The following TRPM3 variants were observed in gnomAD, a reference collection of about 807,000 sequenced individuals.
The protein encoded by TRPM3 is long transient receptor potential channel 3.
A neutral mutation model predicts 181.2 loss-of-function variants in TRPM3; 77 were observed. The ratio of observed to expected loss-of-function variants is 0.42; its 90% CI spans 0.35 to 0.51. The LOEUF is 0.51. TRPM3 is among the 20% of genes least tolerant of loss of function. The probability of loss-of-function intolerance (pLI) is 0.01; values close to 1 mark genes in which losing one functional copy is unlikely to be tolerated. For synonymous variants in TRPM3, 745 were observed against 796.4 expected (o/e 0.94, Z 1.09); for missense variants, 1,759 against 2,196.7 (o/e 0.80, Z 3.98).
rs559490921 is a variant in TRPM3, at chr9:71,330,259, G to T, written c.183+116394C>A. ...AACTAGATTGCAGATTTTTGTTAAG[G>T]TTACATAGTTTAATTACTTTCAGAA... On this transcript the variant is annotated intron_variant, in intron 1 of 24. Transcript: ENST00000357533. Among the ~76,000 whole-genome samples, 11 of 151,794 alleles carry T rather than the reference G, an allele frequency of 7.2e-5. 1 individual carries two copies. Among genetic ancestry groups the T allele is most frequent in the African/African-American group, 2.2e-4 (9 of 41,308 alleles).
intron 1 of TRPM3, among the ~76,000 whole-genome samples, chr9:70,870,847 T>A (rs902352317): frequency 2.0e-5 from 3 of 152,026 alleles, no homozygotes; most frequent in African/African-American, 7.2e-5. Flanking sequence ...ATGTAGCTAA[T>A]TTTTATTCTA....
At chr9:70,860,196 C>T (rs559677563) in intron 3 of TRPM3, among the ~76,000 whole-genome samples, 10 of 152,262 alleles carry the variant, frequency 6.6e-5, no homozygotes, top group African/African-American at 9.6e-5. Flanking sequence ...TCAAATAAGG[C>T]AACTATGCCT....
intron 6 of TRPM3, among the ~76,000 whole-genome samples, chr9:70,798,106 G>A (rs1203048923): frequency 6.6e-6 from 1 of 152,158 alleles, no homozygotes; most frequent in Non-Finnish European, 1.5e-5. Context: ...CCAGGTTGGA[G>A]TGCAGTGGCA....
chr9:71,252,847 C>CTCTTTTTTTT (rs1554854926), intron 1 of TRPM3, among the ~76,000 whole-genome samples: 29 of 84,754 alleles, frequency 3.4e-4, no homozygotes, highest in Middle Eastern at 8.2e-3. Context: ...AATTTTGTCT[C>CTCTTTTTTTT]TTTTTTTTTT....
chr9:71,047,503 G>A lies in TRPM3; in HGVS notation c.177+73675C>T, dbSNP rs149654932. Among the ~76,000 whole-genome samples, 437 of 152,250 alleles carry A rather than the reference G, an allele frequency of 2.9e-3. 4 individuals are homozygous for A. Among genetic ancestry groups the A allele is most frequent in the African/African-American group, 1.0e-2 (414 of 41,546 alleles). ...AGAATGTACGCATGTCACATAGAAT[G>A]TTTAAAGGAATTCCACCGATAGGTT... On this transcript the variant is annotated intron_variant, in intron 1 of 25. Transcript: ENST00000677713.
At chr9:70,896,472 T>A (rs1314276442) in intron 1 of TRPM3, among the ~76,000 whole-genome samples, 1 of 152,122 alleles carries the variant, frequency 6.6e-6, no homozygotes, top group Non-Finnish European at 1.5e-5. Context: ...AAGTGCCATA[T>A]CTTCAATTTA....
chr9:71,024,654 T>C (rs2039469623), intron 1 of TRPM3, among the ~76,000 whole-genome samples: 1 of 152,220 alleles, frequency 6.6e-6, no homozygotes, highest in Admixed American at 6.5e-5. Flanking sequence ...AATACATGAA[T>C]CACCTAGGGT....
intron 3 of TRPM3, among the ~76,000 whole-genome samples, chr9:70,848,646 A>G (rs1273601228): frequency 6.6e-6 from 1 of 152,208 alleles, no homozygotes; most frequent in Non-Finnish European, 1.5e-5. Context: ...CTCAACAGCA[A>G]CAATAGACAC....
intron 1 of TRPM3, among the ~76,000 whole-genome samples, chr9:71,426,522 A>T (rs2093866439): frequency 6.6e-6 from 1 of 152,150 alleles, no homozygotes; most frequent in African/African-American, 2.4e-5. Context: ...CAATCTTCTG[A>T]AACTCTCTTG....
At position 71,015,184 on chromosome 9, in the gene TRPM3, A is replaced by C. The variant is rs201505346; in HGVS notation, c.177+105994T>G. Among the ~76,000 whole-genome samples the C allele has an allele frequency of 2.0e-5, 3 of 152,152 alleles. No homozygotes were observed. The East Asian group carries it at 5.8e-4, about 29-fold the overall frequency. On this transcript the variant is annotated intron_variant, in intron 1 of 25. Transcript: ENST00000677713. ...ACTGTTTAAAATACTGACTCCCTCTATTTAAAATTATTGTACCTTTAAGAC... is the reference window on the plus strand; with the variant it reads ...ACTGTTTAAAATACTGACTCCCTCTCTTTAAAATTATTGTACCTTTAAGAC...
chr9:70,864,487 C>G lies in TRPM3; in HGVS notation c.202G>C (p.Ala68Pro), dbSNP rs2095596279. The stretch of plus-strand genomic sequence containing the variant: ...TGGACACATTCTCTTTTATAAAATG[C>G]TCTTTCTATCCAGGATTTCTGAGCC... ...LKAQKSWIER[A>P]FYKRECVHII... Residue 68 changes from alanine to proline, a missense_variant, in exon 2 of 26, where the codon GCA (alanine) becomes CCA (proline). Transcript: ENST00000677713. 2.1e-6 allele frequency: 3 copies of G among 1,424,060 alleles called. No individual in the cohort carries two copies. The highest frequency in any genetic ancestry group is 2.8e-6 in the Non-Finnish European group (3 of 1,087,846). 88.2% of individuals were successfully genotyped at this position (1,424,060 alleles called of 1,614,324 possible).
At chr9:70,600,765 A>C (rs2059769559) in intron 20 of TRPM3, among the ~76,000 whole-genome samples, 1 of 152,126 alleles carries the variant, frequency 6.6e-6, no homozygotes, top group South Asian at 2.1e-4. Context: ...ACAGAGCAAA[A>C]ATCCGTGTAT....
chr9:71,107,460 A>G (rs2069942672), intron 1 of TRPM3, among the ~76,000 whole-genome samples: 1 of 152,156 alleles, frequency 6.6e-6, no homozygotes, highest in Non-Finnish European at 1.5e-5. Flanking sequence ...AACATGTATC[A>G]AGTTATATTG....
At chr9:71,175,318 C>A (rs2077052730) in intron 1 of TRPM3, among the ~76,000 whole-genome samples, 1 of 151,914 alleles carries the variant, frequency 6.6e-6, no homozygotes, top group African/African-American at 2.4e-5. Flanking sequence ...CCTAATTCTA[C>A]CCTTTCCTCC....
At chr9:71,092,086 T>G (rs1017046040) in intron 1 of TRPM3, among the ~76,000 whole-genome samples, 1 of 152,222 alleles carries the variant, frequency 6.6e-6, no homozygotes, top group Non-Finnish European at 1.5e-5. Context: ...AGGGGTCATG[T>G]CTTATTCATT....
intron 1 of TRPM3, among the ~76,000 whole-genome samples, chr9:71,245,408 C>T (rs2081975769): frequency 1.4e-5 from 2 of 146,914 alleles, no homozygotes; most frequent in South Asian, 4.3e-4. Context: ...CACGCCACTG[C>T]ACTCCAGTCT....
intron 6 of TRPM3, among the ~76,000 whole-genome samples, chr9:70,788,773 G>C (rs1034201780): frequency 1.3e-5 from 2 of 152,160 alleles, no homozygotes; most frequent in South Asian, 4.1e-4. Flanking sequence ...GACTGTGACA[G>C]ATCATCAGGC....
intron 1 of TRPM3, among the ~76,000 whole-genome samples, chr9:71,290,927 A>G (rs1446688660): frequency 1.3e-5 from 2 of 152,154 alleles, no homozygotes; most frequent in Non-Finnish European, 2.9e-5. Flanking sequence ...AGAAAACAGC[A>G]CAAGCAATAT....
intron 1 of TRPM3, among the ~76,000 whole-genome samples, chr9:71,036,476 C>T (rs1370372298): frequency 6.6e-6 from 1 of 152,186 alleles, no homozygotes; most frequent in Non-Finnish European, 1.5e-5. Flanking sequence ...ATCTACACTG[C>T]CTTCTGGTTT....
Sources: gnomAD v4.1 joint callset for allele counts (sites outside exome capture counted in the v4.1 genomes callset) on GRCh38, gnomAD v4.1.1 for gene constraint, MANE v1.5 for transcripts, NCBI Gene and HGNC (gene_info 2026-07-23, HGNC 2026-07-21) for gene names.